OTUD7A: variants seen among roughly 807,000 people sequenced by gnomAD.
OTUD7A encodes the protein OTU domain-containing protein 7A.
In OTUD7A, 12 loss-of-function variants were observed where a neutral mutation model predicts 65.7. The ratio of observed to expected loss-of-function variants is 0.18; its 90% CI spans 0.12 to 0.30. The LOEUF is 0.30. Among genes scored for constraint, OTUD7A ranks in the 10% least tolerant of loss-of-function variants. The pLI, the probability that OTUD7A is intolerant of heterozygous loss-of-function variation, is 1.00. For missense variants in OTUD7A, 1,148 were observed against 1,304.8 expected (o/e 0.88, Z 1.85); for synonymous variants, 641 against 586.3 (o/e 1.09, Z -1.35).
At chr15:31,656,574 G>A (rs1190592671) in intron 2 of OTUD7A, among the ~76,000 whole-genome samples, 1 of 152,196 alleles carries the variant, frequency 6.6e-6, no homozygotes, top group Non-Finnish European at 1.5e-5. Context: ...TTTTATGCTA[G>A]GAAGTATGTA....
chr15:31,839,085 G>A (rs1897124974), intron 1 of OTUD7A, among the ~76,000 whole-genome samples: 1 of 152,252 alleles, frequency 6.6e-6, no homozygotes, highest in South Asian at 2.1e-4. Context: ...GCTGGTGGGA[G>A]AACCAGCAGA....
At chr15:31,533,638 A>C (rs145094207) in intron 5 of OTUD7A, among the ~76,000 whole-genome samples, 311 of 152,358 alleles carry the variant, frequency 2.0e-3, no homozygotes, top group African/African-American at 6.8e-3. Context: ...TTTTGTTCCT[A>C]GCAAGCCTAC....
At chr15:31,630,385 C>T (rs1647631692) in intron 3 of OTUD7A, among the ~76,000 whole-genome samples, 2 of 151,978 alleles carry the variant, frequency 1.3e-5, no homozygotes. Flanking sequence ...GTTCAGTTTC[C>T]ATGTAGTTGA....
chr15:31,537,800 T>G (rs1239883422), intron 5 of OTUD7A, among the ~76,000 whole-genome samples: 1 of 152,242 alleles, frequency 6.6e-6, no homozygotes, highest in African/African-American at 2.4e-5. Flanking sequence ...TGATCTCAGC[T>G]GCTAGTGCTC....
intron 8 of OTUD7A, among the ~76,000 whole-genome samples, chr15:31,514,399 T>C (rs2041811503): frequency 6.6e-6 from 1 of 152,078 alleles, no homozygotes; most frequent in Non-Finnish European, 1.5e-5. Flanking sequence ...AAAAAGATGG[T>C]TCAAGTTCAC....
chr15:31,772,295 A>G (rs191386340), intron 1 of OTUD7A, among the ~76,000 whole-genome samples: 1 of 151,844 alleles, frequency 6.6e-6, no homozygotes, highest in Admixed American at 6.6e-5. Context: ...TGATTTATTT[A>G]CCTGTAAACT....
At chr15:31,783,009 G>C (rs567525028) in intron 1 of OTUD7A, among the ~76,000 whole-genome samples, 1 of 152,266 alleles carries the variant, frequency 6.6e-6, no homozygotes, top group Admixed American at 6.5e-5. Context: ...TGAGTTAAAA[G>C]AACACAACTC....
At chr15:31,783,635 T>G (rs1895598970) in intron 1 of OTUD7A, among the ~76,000 whole-genome samples, 1 of 152,226 alleles carries the variant, frequency 6.6e-6, no homozygotes, top group Non-Finnish European at 1.5e-5. Context: ...GTGTTCCTGA[T>G]ATTCTAAGTA....
chr15:31,511,057 T>TG lies in OTUD7A; in HGVS notation c.894-7240_894-7239insC, dbSNP rs2041711187. Among the ~76,000 whole-genome samples, 2 of 93,346 alleles carry TG rather than the reference T, an allele frequency of 2.1e-5. 1 individual carries two copies. Among genetic ancestry groups the TG allele is most frequent in the Non-Finnish European group, 3.9e-5 (2 of 51,560 alleles). The allele number at this position is 93,346 out of a possible 152,430, so 61.2% of individuals were successfully genotyped here. ...TGTAACATACATGTATATCTATATG[T>TG]AACATACATATATATGTATATCTAT... is the stretch of plus-strand genomic sequence containing the variant. On this transcript the variant is annotated intron_variant, in intron 8 of 12. Coordinates refer to ENST00000307050, the MANE Select transcript of OTUD7A (RefSeq NM_001382637.1).
chr15:31,834,943 G>A (rs924195404), intron 1 of OTUD7A, among the ~76,000 whole-genome samples: 3 of 152,226 alleles, frequency 2.0e-5, no homozygotes, highest in Admixed American at 1.3e-4. Flanking sequence ...AAGTGTGAGT[G>A]AGCAACGATG....
At chr15:31,536,175 C>T (rs1887796534) in intron 5 of OTUD7A, among the ~76,000 whole-genome samples, 1 of 152,198 alleles carries the variant, frequency 6.6e-6, no homozygotes, top group African/African-American at 2.4e-5. Flanking sequence ...GAGACTCTAT[C>T]CTACCTGATG....
chr15:31,590,368 T>C (rs1156739612), intron 3 of OTUD7A, among the ~76,000 whole-genome samples: 5 of 152,338 alleles, frequency 3.3e-5, no homozygotes, highest in African/African-American at 1.2e-4. Flanking sequence ...CATTCAGTGA[T>C]GAATGACTAT....
At chr15:31,607,917 C>T (rs1890283507) in intron 3 of OTUD7A, among the ~76,000 whole-genome samples, 1 of 152,130 alleles carries the variant, frequency 6.6e-6, no homozygotes, top group South Asian at 2.1e-4. Flanking sequence ...TGATGCATGA[C>T]TGTAGTCTAA....
At chr15:31,488,126 C>T (rs1280442146) in intron 10 of OTUD7A, among the ~76,000 whole-genome samples, 1 of 152,188 alleles carries the variant, frequency 6.6e-6, no homozygotes, top group East Asian at 1.9e-4. Context: ...ACAAACATCT[C>T]ATAATGTCAG....
At chr15:31,614,496 G>C (rs1156501177) in intron 3 of OTUD7A, among the ~76,000 whole-genome samples, 2 of 151,974 alleles carry the variant, frequency 1.3e-5, no homozygotes, top group African/African-American at 2.4e-5. Context: ...AGACTACCTT[G>C]ACTTTTAAAT....
intron 5 of OTUD7A, among the ~76,000 whole-genome samples, chr15:31,538,070 T>C (rs145309471): frequency 1.2e-4 from 18 of 152,332 alleles, no homozygotes; most frequent in African/African-American, 4.3e-4. Flanking sequence ...TCCACTCCCC[T>C]TGCCATGGAC....
chr15:31,741,206 T>C (rs755013212), intron 1 of OTUD7A, among the ~76,000 whole-genome samples: 3 of 152,202 alleles, frequency 2.0e-5, no homozygotes, highest in Non-Finnish European at 2.9e-5. Context: ...AATCCCCATA[T>C]GGTTAGGAGA....
chr15:31,585,201 G>A (rs1423164655), intron 3 of OTUD7A, among the ~76,000 whole-genome samples: 1 of 152,206 alleles, frequency 6.6e-6, no homozygotes. Flanking sequence ...GATGGTGCTG[G>A]AGAGCCTGTG....
At chr15:31,623,151 G>A (rs1238713190) in intron 3 of OTUD7A, among the ~76,000 whole-genome samples, 9 of 152,340 alleles carry the variant, frequency 5.9e-5, no homozygotes, top group East Asian at 3.9e-4. Flanking sequence ...GTACCCAGCC[G>A]TGTGAGGTGT....
Sources: allele counts gnomAD v4.1 joint callset (sites outside exome capture counted in the v4.1 genomes callset), GRCh38; gene constraint gnomAD v4.1.1; transcripts MANE v1.5; gene names NCBI Gene and HGNC (gene_info 2026-07-23, HGNC 2026-07-21).